Variants in STXBP6 observed in about 807,000 individuals in gnomAD.
The protein encoded by STXBP6 is syntaxin-binding protein 6.
STXBP6 carries 21 observed loss-of-function variants against 26.9 expected under a neutral mutation model. The ratio of observed to expected loss-of-function variants is 0.78; its 90% CI spans 0.55 to 1.12. STXBP6 has a LOEUF of 1.12. STXBP6 is among the 50% of genes most tolerant of loss of function. The pLI is 0.00. For missense variants in STXBP6, 232 were observed against 257.9 expected, an observed-to-expected ratio of 0.90 and a Z score of 0.69; for synonymous variants, 97 against 92.6, an observed-to-expected ratio of 1.05 and a Z score of -0.27.
intron 4 of STXBP6, among the ~76,000 whole-genome samples, chr14:24,844,711 A>G (rs555532260): frequency 1.3e-5 from 2 of 152,356 alleles, no homozygotes; most frequent in East Asian, 3.9e-4. Context: ...TTGTTAAATT[A>G]ACATGGAAAC....
intron 4 of STXBP6, among the ~76,000 whole-genome samples, chr14:24,845,563 A>T (rs2068934356): frequency 6.6e-6 from 1 of 152,220 alleles, no homozygotes; most frequent in Admixed American, 6.5e-5. Context: ...GAAGTAATAT[A>T]GTCTATAGGA....
intron 4 of STXBP6, among the ~76,000 whole-genome samples, chr14:24,821,253 G>T (rs967568384): frequency 6.6e-6 from 1 of 152,126 alleles, no homozygotes; most frequent in Non-Finnish European, 1.5e-5. Flanking sequence ...TAAATCAAAA[G>T]GATTTTAGAA....
At chr14:24,963,245 A>C (rs1444456964) in intron 2 of STXBP6, among the ~76,000 whole-genome samples, 1 of 152,204 alleles carries the variant, frequency 6.6e-6, no homozygotes, top group Non-Finnish European at 1.5e-5. Context: ...GGTATAACCC[A>C]CGTAATTACT....
At chr14:24,950,398 C>T (rs2073124491) in intron 2 of STXBP6, among the ~76,000 whole-genome samples, 1 of 152,166 alleles carries the variant, frequency 6.6e-6, no homozygotes, top group South Asian at 2.1e-4. Context: ...CACAGCAACA[C>T]TATTTGTAAT....
chr14:24,906,254 C>T (rs1263012306), intron 2 of STXBP6, among the ~76,000 whole-genome samples: 3 of 152,062 alleles, frequency 2.0e-5, no homozygotes, highest in African/African-American at 2.4e-5. Context: ...TATAAATTTA[C>T]CCTATAGGCT....
chr14:24,835,721 C>A (rs2068590894), intron 4 of STXBP6, among the ~76,000 whole-genome samples: 1 of 152,080 alleles, frequency 6.6e-6, no homozygotes, highest in South Asian at 2.1e-4. Context: ...TTGGAATAAA[C>A]AAAGTAGACT....
chr14:24,998,619 C>T (rs939704347), intron 1 of STXBP6, among the ~76,000 whole-genome samples: 4 of 152,160 alleles, frequency 2.6e-5, no homozygotes. Flanking sequence ...AGCTCAGCTA[C>T]TTTGGCCCAA....
intron 2 of STXBP6, among the ~76,000 whole-genome samples, chr14:24,858,375 C>T (rs17109020): frequency 0.017 from 2,584 of 152,202 alleles, 78 homozygotes; most frequent in African/African-American, 0.059. Context: ...TTTCCCAGCA[C>T]TGAAAACCAC....
intron 1 of STXBP6, among the ~76,000 whole-genome samples, chr14:25,041,607 C>T (rs922934359): frequency 4.8e-5 from 7 of 146,442 alleles, no homozygotes; most frequent in South Asian, 2.2e-4. Flanking sequence ...CACTGATATA[C>T]GCCCTATCTG....
intron 2 of STXBP6, among the ~76,000 whole-genome samples, chr14:24,874,907 G>C (rs544148333): frequency 6.6e-6 from 1 of 152,172 alleles, no homozygotes; most frequent in Non-Finnish European, 1.5e-5. Flanking sequence ...TGGCTCTCCA[G>C]TGGAAGCCAG....
intron 1 of STXBP6, among the ~76,000 whole-genome samples, chr14:25,034,523 G>A (rs533025154): frequency 1.3e-5 from 2 of 152,170 alleles, no homozygotes; most frequent in East Asian, 1.9e-4. Flanking sequence ...ATGGCCCCAG[G>A]TTCTGACCAT....
chr14:24,925,396 G>T (rs892128132), intron 2 of STXBP6, among the ~76,000 whole-genome samples: 1 of 152,142 alleles, frequency 6.6e-6, no homozygotes, highest in Non-Finnish European at 1.5e-5. Context: ...TTTCATTTAA[G>T]GCACAAGTAA....
At chr14:24,931,060 G>A (rs1486413198) in intron 2 of STXBP6, among the ~76,000 whole-genome samples, 5 of 128,738 alleles carry the variant, frequency 3.9e-5, no homozygotes, top group Admixed American at 1.8e-4. Flanking sequence ...GCAGTGAGCC[G>A]AGATTGCGCC....
intron 2 of STXBP6, among the ~76,000 whole-genome samples, chr14:24,904,295 G>A (rs373629174): frequency 1.1e-4 from 17 of 152,208 alleles, no homozygotes; most frequent in South Asian, 4.1e-4. Context: ...ATATCTACGC[G>A]GTTAAGTCAA....
intron 2 of STXBP6, among the ~76,000 whole-genome samples, chr14:24,870,258 G>A (rs959808907): frequency 6.6e-6 from 1 of 151,952 alleles, no homozygotes; most frequent in South Asian, 2.1e-4. Flanking sequence ...CTTAACGAGG[G>A]GCCAAATATG....
chr14:25,002,359 C>CTTTTTTTTTTTTTTTTCTTTT (rs2074781600), intron 1 of STXBP6, among the ~76,000 whole-genome samples: 3 of 121,354 alleles, frequency 2.5e-5, no homozygotes, highest in African/African-American at 1.0e-4. Context: ...ATTCTTATGA[C>CTTTTTTTTTTTTTTTTCTTTT]TTTTTTTTTT....
chr14:24,908,224 A>G (rs553720699), intron 2 of STXBP6, among the ~76,000 whole-genome samples: 1 of 152,268 alleles, frequency 6.6e-6, no homozygotes, highest in African/African-American at 2.4e-5. Flanking sequence ...TATTTTCCTT[A>G]CCATCTTACC....
At chr14:24,957,358 AG>A (rs892150357) in intron 2 of STXBP6, among the ~76,000 whole-genome samples, 14 of 152,328 alleles carry the variant, frequency 9.2e-5, no homozygotes, top group African/African-American at 3.4e-4. Flanking sequence ...TCTTCAGAAT[AG>A]AACACTTCAA....
Position 24,981,278 on chromosome 14 carries a change from ATT to A in STXBP6, c.-32-6430_-32-6429del, listed in dbSNP as rs11320433. Among the ~76,000 whole-genome samples, 639 of 148,338 alleles carry A rather than the reference ATT, an allele frequency of 4.3e-3. 13 individuals are homozygous for A. In the East Asian group the frequency reaches 0.046, roughly 11 times the overall value. On this transcript the variant is annotated intron_variant, in intron 1 of 5. Transcript: ENST00000323944. ...AGAATCTTCAGATATGTATGTGAGTATTTTTTTTTTTTGAGGCAGAGTCTCAC... is the reference window on the plus strand; with the variant it reads ...AGAATCTTCAGATATGTATGTGAGTATTTTTTTTTTGAGGCAGAGTCTCAC...
Sources: allele counts gnomAD v4.1 joint callset (sites outside exome capture counted in the v4.1 genomes callset), GRCh38; gene constraint gnomAD v4.1.1; transcripts MANE v1.5; gene names NCBI Gene and HGNC (gene_info 2026-07-23, HGNC 2026-07-21).